The following DPP6 variants were observed in gnomAD, a reference collection of about 807,000 sequenced individuals.
DPP6 encodes dipeptidyl peptidase like 6, also known as A-type potassium channel modulatory protein DPP6.
DPP6 carries 69 observed loss-of-function variants against 122.6 expected under a neutral mutation model. The observed-to-expected ratio is 0.56, with a 90% confidence interval of 0.46 to 0.69. The LOEUF (loss-of-function observed/expected upper bound fraction) is 0.69, where lower values mean the gene tolerates loss of function less well. DPP6 is among the 30% of genes least tolerant of loss of function. The pLI is 0.00. For missense variants in DPP6, 928 were observed against 1,116.9 expected, an observed-to-expected ratio of 0.83 and a Z score of 2.41; for synonymous variants, 418 against 433.1, an observed-to-expected ratio of 0.97 and a Z score of 0.43.
At chr7:154,847,772 C>T (rs984907227) in intron 16 of DPP6, among the ~76,000 whole-genome samples, 10 of 152,120 alleles carry the variant, frequency 6.6e-5, no homozygotes, top group African/African-American at 1.7e-4. Context: ...GTATTCCTCC[C>T]GTCTAACTGA....
chr7:153,942,443 C>T (rs557994390), intron 1 of DPP6, among the ~76,000 whole-genome samples: 2 of 152,216 alleles, frequency 1.3e-5, no homozygotes, highest in Non-Finnish European at 2.9e-5. Context: ...ACAGGTGGCC[C>T]TCAGAGGCAT....
chr7:154,151,299 C>G (rs1796406799), intron 1 of DPP6, among the ~76,000 whole-genome samples: 1 of 152,182 alleles, frequency 6.6e-6, no homozygotes, highest in African/African-American at 2.4e-5. Context: ...TCTCAGCAGC[C>G]CCTGGCTTGT....
At chr7:154,860,427 T>G (rs1803281120) in intron 17 of DPP6, among the ~76,000 whole-genome samples, 1 of 152,070 alleles carries the variant, frequency 6.6e-6, no homozygotes, top group Non-Finnish European at 1.5e-5. Context: ...GTGCAGAGAA[T>G]GGATGGAAGG....
intron 1 of DPP6, among the ~76,000 whole-genome samples, chr7:154,392,105 C>G (rs909361077): frequency 1.3e-5 from 2 of 152,076 alleles, no homozygotes; most frequent in African/African-American, 4.8e-5. Flanking sequence ...GAAACCCTGT[C>G]TCTACTAAAA....
intron 12 of DPP6, chr7:154,796,095 G>A: frequency 1.5e-6 from 1 of 682,544 alleles, no homozygotes; most frequent in Admixed American, 3.4e-5. Flanking sequence ...GTTCCAGGGA[G>A]GGTCGTGTGA....
intron 5 of DPP6, among the ~76,000 whole-genome samples, chr7:154,615,446 T>C (rs1834176831): frequency 6.6e-6 from 1 of 152,218 alleles, no homozygotes; most frequent in African/African-American, 2.4e-5. Flanking sequence ...ATTAATCACA[T>C]ATTGAATTTT....
Position 154,431,923 on chromosome 7 carries a change from G to C in DPP6, c.244-14291G>C, listed in dbSNP as rs185544837. Among the ~76,000 whole-genome samples, 3 of 152,184 alleles carry C rather than the reference G, an allele frequency of 2.0e-5. No homozygotes were observed. In the East Asian group the frequency reaches 5.8e-4, roughly 29 times the overall value. Reference sequence around the variant, plus strand: ...TATCTGCCCAGTGATCCAGGACAGCGCTCAGCTCCTGGTAGCCCTGGGCTC... The same window carrying C: ...TATCTGCCCAGTGATCCAGGACAGCCCTCAGCTCCTGGTAGCCCTGGGCTC... On this transcript the variant is annotated intron_variant, in intron 1 of 25. Coordinates refer to ENST00000377770, the MANE Select transcript of DPP6 (RefSeq NM_130797.4).
chr7:154,727,639 C>T (rs1220550773), intron 7 of DPP6, 128 bp from the exon 8 acceptor site: 43 of 1,305,046 alleles, frequency 3.3e-5, no homozygotes, highest in Non-Finnish European at 4.4e-5. Flanking sequence ...TTTGAGACTG[C>T]CTTTGTTCTG....
chr7:153,825,551 C>CG, the DPP6 span, among the ~76,000 whole-genome samples: 1 of 151,124 alleles, frequency 6.6e-6, no homozygotes, highest in Non-Finnish European at 1.5e-5. Flanking sequence ...CCATTTTTTT[C>CG]TTTTGTTTTG....
At chr7:154,666,236 A>C (rs1277535758) in intron 6 of DPP6, among the ~76,000 whole-genome samples, 1 of 91,850 alleles carries the variant, frequency 1.1e-5, no homozygotes, top group Admixed American at 1.1e-4. Flanking sequence ...CATACATACT[A>C]TAACACATAC....
At chr7:153,836,299 A>T in the DPP6 span, among the ~76,000 whole-genome samples, 1 of 152,192 alleles carries the variant, frequency 6.6e-6, no homozygotes, top group African/African-American at 2.4e-5. Context: ...GAGAGAAAAT[A>T]GATGCAATAT....
chr7:154,610,723 G>C (rs1306472760), intron 5 of DPP6, among the ~76,000 whole-genome samples: 19 of 52,100 alleles, frequency 3.6e-4, no homozygotes, highest in African/African-American at 9.5e-4. Context: ...GTGTGTGTGT[G>C]TGTGTGTGTG....
chr7:154,451,067 T>C (rs1213240658), intron 2 of DPP6, among the ~76,000 whole-genome samples: 1 of 151,992 alleles, frequency 6.6e-6, no homozygotes, highest in Non-Finnish European at 1.5e-5. Flanking sequence ...CGAGTGTCAC[T>C]CAAGAGTGGA....
chr7:154,467,865 G>A (rs916258634), intron 2 of DPP6, among the ~76,000 whole-genome samples: 3 of 152,168 alleles, frequency 2.0e-5, no homozygotes, highest in Non-Finnish European at 4.4e-5. Context: ...TGGGGTCTGT[G>A]AATCACACAT....
chr7:154,800,091 G>C (rs949614936), intron 12 of DPP6, among the ~76,000 whole-genome samples: 3 of 152,114 alleles, frequency 2.0e-5, no homozygotes, highest in Non-Finnish European at 4.4e-5. Flanking sequence ...AGCGCTACCC[G>C]CCGCACAGTT....
chr7:153,953,478 G>A (rs189641295), intron 1 of DPP6, among the ~76,000 whole-genome samples: 1 of 152,250 alleles, frequency 6.6e-6, no homozygotes, highest in East Asian at 1.9e-4. Flanking sequence ...TGGAATTCAT[G>A]CACAGATTGC....
chr7:154,723,198 A>G (rs1395044469), intron 7 of DPP6, among the ~76,000 whole-genome samples: 1 of 152,180 alleles, frequency 6.6e-6, no homozygotes, highest in African/African-American at 2.4e-5. Flanking sequence ...ACAGGTTTAC[A>G]GTGAGCTGAG....
chr7:154,387,895 A>G (rs1814257607), intron 1 of DPP6, among the ~76,000 whole-genome samples: 1 of 151,874 alleles, frequency 6.6e-6, no homozygotes, highest in Non-Finnish European at 1.5e-5. Context: ...ACAATCTGAC[A>G]TCTCATGTGT....
chr7:154,036,279 A>C (rs1799529813), intron 1 of DPP6, among the ~76,000 whole-genome samples: 1 of 119,642 alleles, frequency 8.4e-6, no homozygotes. Context: ...CCTGGCTAAT[A>C]TTTATATTTT....
Sources: gnomAD v4.1 joint callset for allele counts (sites outside exome capture counted in the v4.1 genomes callset) on GRCh38, gnomAD v4.1.1 for gene constraint, MANE v1.5 for transcripts, NCBI Gene and HGNC (gene_info 2026-07-23, HGNC 2026-07-21) for gene names.